The following PPARA variants were observed in gnomAD, a reference collection of about 807,000 sequenced individuals.
The protein encoded by PPARA is peroxisome proliferator activated receptor alpha, also known as peroxisome proliferator-activated receptor alpha.
In PPARA, 22 loss-of-function variants were observed where a neutral mutation model predicts 42.2. That is an observed-to-expected ratio of 0.52 (90% CI 0.37 to 0.74). PPARA has a LOEUF of 0.74. Ranked by LOEUF, PPARA falls within the 30% of genes least tolerant of loss-of-function variation. The pLI, the probability that PPARA is intolerant of heterozygous loss-of-function variation, is 0.00. For synonymous variants in PPARA, 242 were observed against 239.3 expected (o/e 1.01, Z -0.10); for missense variants, 465 against 608.2 (o/e 0.76, Z 2.48).
chr22:46,211,863 T>G lies in PPARA; in HGVS notation c.209-3310T>G, dbSNP rs920633891. ...ACCACCCCTGGCTAACTTTTTGTAT[T>G]TTTACAAAATACAAAAGACGATGTT... On this transcript the variant is annotated intron_variant, in intron 4 of 8. Transcript: ENST00000407236. The surrounding 1 kb of genome is among the most constrained non-coding windows in gnomAD (Gnocchi z 4.1). Among the ~76,000 whole-genome samples the G allele has an allele frequency of 6.6e-6, 1 of 152,120 alleles. No homozygotes were observed. The highest frequency in any genetic ancestry group is 2.1e-4 in the South Asian group (1 of 4,830).
chr22:46,230,761 G>A lies in PPARA; in HGVS notation c.712-1031G>A, dbSNP rs1052712135. Among the ~76,000 whole-genome samples the A allele has an allele frequency of 3.3e-5, 5 of 152,188 alleles. No individual in the cohort carries two copies. Among genetic ancestry groups the A allele is most frequent in the African/African-American group, 1.2e-4 (5 of 41,440 alleles). ...GCACTGAGAGAAACAAGGGCATTCC[G>A]AGGCTTTTCCACTTTATCCCTAAAG... On this transcript the variant is annotated intron_variant, in intron 7 of 8. Coordinates refer to ENST00000407236, the MANE Select transcript of PPARA (RefSeq NM_005036.6). The surrounding 1 kb of genome is among the most constrained non-coding windows in gnomAD (Gnocchi z 5.0).
chr22:46,209,567 T>A (rs1001726492), intron 4 of PPARA, among the ~76,000 whole-genome samples: 1 of 152,192 alleles, frequency 6.6e-6, no homozygotes, highest in Non-Finnish European at 1.5e-5. Flanking sequence ...ATTTACTAAT[T>A]TTTTCTTCTG....
Position 46,152,132 on chromosome 22 carries a change from A to ATTT in PPARA, c.-127+184_-127+186dup, listed in dbSNP as rs780789203. Among the ~76,000 whole-genome samples the ATTT allele has an allele frequency of 5.2e-3, 541 of 104,646 alleles. 1 individual carries two copies. Among genetic ancestry groups the ATTT allele is most frequent in the Middle Eastern group, 7.2e-3 (1 of 138 alleles). The allele number at this position is 104,646 out of a possible 152,430, so 68.7% of individuals were successfully genotyped here. Reference sequence around the variant, plus strand: ...AAGTAAAATACATGTGCATGGATTCATTTTTTTTTTTTTTTTTTTTTTTTG... The same window carrying ATTT: ...AAGTAAAATACATGTGCATGGATTCATTTTTTTTTTTTTTTTTTTTTTTTTTTG... On this transcript the variant is annotated intron_variant, in intron 2 of 8. Coordinates refer to ENST00000407236, the MANE Select transcript of PPARA (RefSeq NM_005036.6).
intron 3 of PPARA, among the ~76,000 whole-genome samples, chr22:46,194,866 G>A (rs1412378321): frequency 2.7e-5 from 4 of 146,826 alleles, no homozygotes; most frequent in African/African-American, 5.0e-5. Flanking sequence ...GAGCCACCAC[G>A]CCTGGCCCCA....
chr22:46,199,665 T>C (rs141113543), intron 4 of PPARA, among the ~76,000 whole-genome samples: 129 of 152,134 alleles, frequency 8.5e-4, no homozygotes, highest in African/African-American at 3.0e-3. Flanking sequence ...TTAAGCAACA[T>C]TGAATGAAAA....
chr22:46,197,773 G>A (rs531094249), intron 3 of PPARA, among the ~76,000 whole-genome samples: 59 of 151,492 alleles, frequency 3.9e-4, no homozygotes, highest in South Asian at 3.8e-3. Flanking sequence ...GCGTGGTGGC[G>A]GGCACCTGTA....
chr22:46,170,197 T>C (rs569338649), intron 2 of PPARA, among the ~76,000 whole-genome samples: 3 of 151,754 alleles, frequency 2.0e-5, no homozygotes, highest in South Asian at 4.2e-4. Context: ...TTTTCATAGG[T>C]CCATTACTTA....
In PPARA at chr22:46,219,785, G is replaced by T; in HGVS notation, c.509-27G>T. The stretch of plus-strand genomic sequence containing the variant: ...GCGCAGTCATGACCTCACTGCTCAT[G>T]CCTGTGTTTCCCCCTCCAAACCCTA... On this transcript the variant is annotated intron_variant, in intron 6 of 8. Transcript: ENST00000407236. This position sits in a 1 kb window ranked among gnomAD's most constrained non-coding sequence, Gnocchi z 4.8. 1 of 1,612,790 alleles carries T rather than the reference G, an allele frequency of 6.2e-7. No homozygotes were observed.
In PPARA at chr22:46,180,223, C is replaced by T. The variant is rs1929750525; in HGVS notation, c.-43+3387C>T. 6.7e-6 allele frequency among the ~76,000 whole-genome samples: 1 copy of T among 149,500 alleles called. No homozygotes were observed. Among genetic ancestry groups the T allele is most frequent in the Non-Finnish European group, 1.5e-5 (1 of 67,616 alleles). On this transcript the variant is annotated intron_variant, in intron 3 of 8. Transcript: ENST00000407236. This position sits in a 1 kb window ranked among gnomAD's most constrained non-coding sequence, Gnocchi z 4.2. ...TTTTTTTTTTTGAGATGGAGTCTTG[C>T]TCTCCCAGGCTGGAGTACAGTGGCG... is the stretch of plus-strand genomic sequence containing the variant.
chr22:46,209,293 T>C (rs5766741), intron 4 of PPARA, among the ~76,000 whole-genome samples: 39,714 of 152,082 alleles, frequency 0.26, 5,237 homozygotes, highest in Middle Eastern at 0.3. Context: ...TCTGAACCAT[T>C]TGATGGTTTC....
At position 46,238,240 on chromosome 22, in the gene PPARA, A is replaced by G. The variant is rs1348816165; in HGVS notation, c.*2860A>G. On this transcript the variant is annotated 3_prime_UTR_variant, in exon 9 of 9. Transcript: ENST00000407236. The surrounding 1 kb of genome is among the most constrained non-coding windows in gnomAD (Gnocchi z 8.3). ...ATAGGGAAGGAAATCAGGCATTCCT[A>G]TTTCTTTAAATAACAAAACCACTAA... 1 of 152,186 alleles carries G rather than the reference A, an allele frequency of 6.6e-6. No individual in the cohort carries two copies. The highest frequency in any genetic ancestry group is 1.5e-5 in the Non-Finnish European group (1 of 68,034). The allele number at this position is 152,186 out of a possible 1,614,324, so 9.4% of individuals were successfully genotyped here.
rs750865096 is a variant in PPARA at position 46,203,588 on chromosome 22, C to G, written c.208+4997C>G. ...TGTCATGACCAGGAAAAATTAGGCA[C>G]GTGGACACGTTGAAGGGTGAGGAGA... is the stretch of plus-strand genomic sequence containing the variant. On this transcript the variant is annotated intron_variant, in intron 4 of 8. Transcript: ENST00000407236. This position sits in a 1 kb window ranked among gnomAD's most constrained non-coding sequence, Gnocchi z 5.8. Among the ~76,000 whole-genome samples the G allele has an allele frequency of 1.3e-5, 2 of 152,060 alleles. No individual in the cohort carries two copies. Among genetic ancestry groups the G allele is most frequent in the African/African-American group, 2.4e-5 (1 of 41,410 alleles).
intron 4 of PPARA, among the ~76,000 whole-genome samples, chr22:46,209,677 G>A (rs142955002): frequency 6.6e-6 from 1 of 152,120 alleles, no homozygotes; most frequent in African/African-American, 2.4e-5. Flanking sequence ...TTTCACCCAT[G>A]TATCTATATA....
Position 46,195,660 on chromosome 22 carries a change from G to A in PPARA, c.-42-2682G>A, listed in dbSNP as rs559702838. Among the ~76,000 whole-genome samples the A allele has an allele frequency of 1.3e-5, 2 of 152,330 alleles. No homozygotes were observed. Among genetic ancestry groups the A allele is most frequent in the Non-Finnish European group, 2.9e-5 (2 of 68,024 alleles). On this transcript the variant is annotated intron_variant, in intron 3 of 8. Coordinates refer to ENST00000407236, the MANE Select transcript of PPARA (RefSeq NM_005036.6). The surrounding 1 kb of genome is among the most constrained non-coding windows in gnomAD (Gnocchi z 4.6). The stretch of plus-strand genomic sequence containing the variant: ...TGTTTACATGAAGCAAACCTCAAAT[G>A]TGAACATATTTTTACGCAAATGCAT...
At position 46,198,571 on chromosome 22, in the gene PPARA, C is replaced by T. The variant is rs2147386193; in HGVS notation, c.188C>T (p.Ser63Leu). 2 of 1,613,306 alleles carry T rather than the reference C, an allele frequency of 1.2e-6. No individual in the cohort carries two copies. Among genetic ancestry groups the T allele is most frequent in the East Asian group, 2.2e-5 (1 of 44,858 alleles). Residue 63 changes from serine to leucine, a missense_variant, in exon 4 of 9, where the codon TCA becomes TTA. By Grantham distance (145) the Ser-to-Leu change is moderately radical. Coordinates refer to ENST00000407236, the MANE Select transcript of PPARA (RefSeq NM_005036.6). Reference sequence around the variant, plus strand: ...CAGTATTTAGGAAGCTGTCCTGGCTCAGATGGCTCGGTCATCACGGGTAAG... The same window carrying T: ...CAGTATTTAGGAAGCTGTCCTGGCTTAGATGGCTCGGTCATCACGGGTAAG... Reference protein sequence around the residue: ...EYQYLGSCPGSDGSVITDTLS... With the variant: ...EYQYLGSCPGLDGSVITDTLS...
At chr22:46,168,895 G>A (rs990241259) in intron 2 of PPARA, among the ~76,000 whole-genome samples, 1 of 151,884 alleles carries the variant, frequency 6.6e-6, no homozygotes, top group Non-Finnish European at 1.5e-5. Context: ...CATTATTATC[G>A]AAAATATTGT....
At chr22:46,214,819 TGAG>T (rs1213486109) in intron 4 of PPARA, among the ~76,000 whole-genome samples, 9 of 138,024 alleles carry the variant, frequency 6.5e-5, no homozygotes, top group Admixed American at 2.9e-4. Flanking sequence ...GATGTGGGAA[TGAG>T]GAGATGTGCG....
At position 46,241,869 on chromosome 22, in the gene PPARA, C is replaced by A. The variant is rs976914371; in HGVS notation, c.*6489C>A. The A allele has an allele frequency of 2.0e-5, 3 of 146,656 alleles. No individual in the cohort carries two copies. Among genetic ancestry groups the A allele is most frequent in the African/African-American group, 7.7e-5 (3 of 38,774 alleles). The allele number at this position is 146,656 out of a possible 1,614,324, so 9.1% of individuals were successfully genotyped here. A position where few individuals can be genotyped will look rare whatever the true frequency, so the allele number is the denominator to read the frequency against. ...ATGTCTTGATGGACGCAGCTGATGACCTCAAATACTTGAGTGGTCTCATGG... is the reference window on the plus strand; with the variant it reads ...ATGTCTTGATGGACGCAGCTGATGAACTCAAATACTTGAGTGGTCTCATGG... On this transcript the variant is annotated 3_prime_UTR_variant, in exon 9 of 9. Coordinates refer to ENST00000407236, the MANE Select transcript of PPARA (RefSeq NM_005036.6). The surrounding 1 kb of genome is among the most constrained non-coding windows in gnomAD (Gnocchi z 5.7).
rs1228019673 is a variant in PPARA at position 46,238,521 on chromosome 22, T to C, written c.*3141T>C. The C allele has an allele frequency of 3.3e-5, 5 of 152,238 alleles. No individual in the cohort carries two copies. The East Asian group carries it at 9.6e-4, about 29-fold the overall frequency. 9.4% of individuals were successfully genotyped at this position (152,238 alleles called of 1,614,324 possible). ...GTAGGAAGTCGCCAAATTTACCCAC[T>C]CTTCAACAAGTCATTGTTTAAACAC... is the stretch of plus-strand genomic sequence containing the variant. On this transcript the variant is annotated 3_prime_UTR_variant, in exon 9 of 9. Coordinates refer to ENST00000407236, the MANE Select transcript of PPARA (RefSeq NM_005036.6). The surrounding 1 kb of genome is among the most constrained non-coding windows in gnomAD (Gnocchi z 8.3).
Sources: allele counts gnomAD v4.1 joint callset (sites outside exome capture counted in the v4.1 genomes callset), GRCh38; gene constraint gnomAD v4.1.1; non-coding constraint Gnocchi (gnomAD v3.1); transcripts MANE v1.5; gene names NCBI Gene and HGNC (gene_info 2026-07-23, HGNC 2026-07-21).